LHPP: variants seen among roughly 807,000 people sequenced by gnomAD.
LHPP encodes the protein hLHPP.
In LHPP, 24 loss-of-function variants were observed where a neutral mutation model predicts 30.3. The ratio of observed to expected loss-of-function variants is 0.79; its 90% CI spans 0.57 to 1.11. The LOEUF (loss-of-function observed/expected upper bound fraction) is 1.11. Among genes scored for constraint, LHPP ranks in the 50% most tolerant of loss-of-function variants. LHPP has a pLI of 0.00. For missense variants in LHPP, 356 were observed against 367.2 expected, an observed-to-expected ratio of 0.97 and a Z score of 0.25; for synonymous variants, 150 against 157.1, an observed-to-expected ratio of 0.95 and a Z score of 0.34.
intron 6 of LHPP, among the ~76,000 whole-genome samples, chr10:124,534,961 A>G (rs183562012): frequency 5.1e-4 from 77 of 152,288 alleles, no homozygotes; most frequent in African/African-American, 1.7e-3. Flanking sequence ...CATGGGAAAC[A>G]TTCCTTCCTG....
chr10:124,583,551 C>T (rs184976278), intron 6 of LHPP, among the ~76,000 whole-genome samples: 2 of 152,288 alleles, frequency 1.3e-5, no homozygotes. Flanking sequence ...GTAGGTTGCA[C>T]AGAAAGTAAA....
At chr10:124,606,615 A>G (rs533359761) in intron 6 of LHPP, among the ~76,000 whole-genome samples, 1 of 152,344 alleles carries the variant, frequency 6.6e-6, no homozygotes, top group South Asian at 2.1e-4. Flanking sequence ...GCCCTATGCT[A>G]CCTTACAGAT....
chr10:124,578,481 G>A (rs1948698194), intron 6 of LHPP, among the ~76,000 whole-genome samples: 1 of 152,252 alleles, frequency 6.6e-6, no homozygotes, highest in Admixed American at 6.5e-5. Flanking sequence ...CTGAGGTGGA[G>A]CGTCTGCTGT....
chr10:124,521,156 T>C (rs2133916476), intron 6 of LHPP, among the ~76,000 whole-genome samples: 1 of 151,018 alleles, frequency 6.6e-6, no homozygotes, highest in Middle Eastern at 3.5e-3. Context: ...GGGGCCTCGC[T>C]CTCTGGAGGG....
At chr10:124,539,796 G>A (rs1458950732) in intron 6 of LHPP, among the ~76,000 whole-genome samples, 1 of 150,152 alleles carries the variant, frequency 6.7e-6, no homozygotes, top group African/African-American at 2.5e-5. Context: ...CAGCTACTCA[G>A]GAGGCTGAGG....
rs1231205319 is a variant in LHPP, at chr10:124,576,118, GT to G, written c.717-37144del. ...TCAGACCTGGTTTCTTAACCACTGTGTTCACTGAACACCCCGGGCTTGATCA... is the reference window on the plus strand; with the variant it reads ...TCAGACCTGGTTTCTTAACCACTGTGTCACTGAACACCCCGGGCTTGATCA... On this transcript the variant is annotated intron_variant, in intron 6 of 6. Coordinates refer to ENST00000368842, the MANE Select transcript of LHPP (RefSeq NM_022126.4). This position sits in a 1 kb window ranked among gnomAD's most constrained non-coding sequence, Gnocchi z 4.2. Among the ~76,000 whole-genome samples, 5 of 152,166 alleles carry G rather than the reference GT, an allele frequency of 3.3e-5. No homozygotes were observed. The highest frequency in any genetic ancestry group is 4.4e-5 in the Non-Finnish European group (3 of 68,022).
rs1207690595 is a variant in LHPP at position 124,523,522 on chromosome 10, C to T, written c.716+6251C>T. 2.0e-5 allele frequency among the ~76,000 whole-genome samples: 3 copies of T among 152,316 alleles called. No homozygotes were observed. The highest frequency in any genetic ancestry group is 2.1e-4 in the South Asian group (1 of 4,826). On this transcript the variant is annotated intron_variant, in intron 6 of 6. Coordinates refer to ENST00000368842, the MANE Select transcript of LHPP (RefSeq NM_022126.4). This position sits in a 1 kb window ranked among gnomAD's most constrained non-coding sequence, Gnocchi z 4.2. ...ACGGATTTCAGAGTGTTTCCTGTTA[C>T]GAGAAGGCTGTGGATTCGCTTTGGA...
chr10:124,487,322 C>T (rs1432400815), intron 2 of LHPP, among the ~76,000 whole-genome samples: 4 of 152,202 alleles, frequency 2.6e-5, no homozygotes, highest in Non-Finnish European at 4.4e-5. Flanking sequence ...TTTACACGTC[C>T]TCCATCTGCT....
intron 1 of LHPP, among the ~76,000 whole-genome samples, chr10:124,482,021 C>T (rs537285440): frequency 6.6e-6 from 1 of 152,350 alleles, no homozygotes; most frequent in South Asian, 2.1e-4. Flanking sequence ...GTCTCAGGCT[C>T]AAGAGCGGAA....
chr10:124,515,235 A>G (rs1189729760), intron 5 of LHPP, among the ~76,000 whole-genome samples: 2 of 152,208 alleles, frequency 1.3e-5, no homozygotes, highest in Non-Finnish European at 2.9e-5. Context: ...TTCTATTGCC[A>G]TGTCTCCAGG....
intron 5 of LHPP, among the ~76,000 whole-genome samples, chr10:124,515,706 G>A (rs1233773265): frequency 6.6e-6 from 1 of 152,190 alleles, no homozygotes; most frequent in African/African-American, 2.4e-5. Context: ...GGTTGCCCTG[G>A]GTGAATCATT....
chr10:124,534,254 T>A (rs1317077560), intron 6 of LHPP, among the ~76,000 whole-genome samples: 2 of 152,378 alleles, frequency 1.3e-5, no homozygotes, highest in African/African-American at 4.8e-5. Flanking sequence ...TGGCCGTCTT[T>A]CCTCCGGTGC....
At chr10:124,469,557 T>A (rs1470589370) in intron 1 of LHPP, among the ~76,000 whole-genome samples, 2 of 152,012 alleles carry the variant, frequency 1.3e-5, no homozygotes, top group African/African-American at 2.4e-5. Context: ...ATCGGAGAGA[T>A]TCAGGAACTG....
Position 124,613,716 on chromosome 10 carries a change from C to A in LHPP, c.*356C>A. On this transcript the variant is annotated 3_prime_UTR_variant, in exon 7 of 7. Transcript: ENST00000368842. ...CCAGAACTCACCACTCACCATGGGC[C>A]TTTAAATGCAGTAAACTCCACCTAA... The A allele has an allele frequency of 2.9e-6, 1 of 341,584 alleles. No individual in the cohort carries two copies. The highest frequency in any genetic ancestry group is 5.5e-6 in the Non-Finnish European group (1 of 181,536). 21.2% of individuals were successfully genotyped at this position (341,584 alleles called of 1,614,324 possible).
Position 124,478,404 on chromosome 10 carries a change from C to T in LHPP, c.126-5735C>T, listed in dbSNP as rs774996827. Among the ~76,000 whole-genome samples the T allele has an allele frequency of 6.6e-6, 1 of 152,134 alleles. No individual in the cohort carries two copies. Among genetic ancestry groups the T allele is most frequent in the Non-Finnish European group, 1.5e-5 (1 of 67,994 alleles). On this transcript the variant is annotated intron_variant, in intron 1 of 6. Coordinates refer to ENST00000368842, the MANE Select transcript of LHPP (RefSeq NM_022126.4). The surrounding 1 kb of genome is among the most constrained non-coding windows in gnomAD (Gnocchi z 4.7). The stretch of plus-strand genomic sequence containing the variant: ...GCCCAGCTGGGAGGGGCTCATGCTG[C>T]CCTTTTCCTGAGGCCCCCTGCTGCC...
At chr10:124,484,698 A>AAATGAG (rs879399848) in intron 2 of LHPP, among the ~76,000 whole-genome samples, 3 of 142,300 alleles carry the variant, frequency 2.1e-5, no homozygotes, top group Non-Finnish European at 4.4e-5. Flanking sequence ...GAGAGAGAGA[A>AAATGAG]AATGAGAATG....
At chr10:124,522,087 T>G (rs1831076245) in intron 6 of LHPP, among the ~76,000 whole-genome samples, 1 of 152,048 alleles carries the variant, frequency 6.6e-6, no homozygotes, top group South Asian at 2.1e-4. Flanking sequence ...GAGGGAAAGT[T>G]TTGCAGGGCC....
At chr10:124,492,331 T>C (rs1184567125) in intron 3 of LHPP, among the ~76,000 whole-genome samples, 1 of 152,260 alleles carries the variant, frequency 6.6e-6, no homozygotes, top group Non-Finnish European at 1.5e-5. Context: ...GTGTCCTGTA[T>C]GTAGTCAGGG....
chr10:124,599,386 A>C (rs1209414341), intron 6 of LHPP, among the ~76,000 whole-genome samples: 1 of 152,120 alleles, frequency 6.6e-6, no homozygotes, highest in Non-Finnish European at 1.5e-5. Flanking sequence ...TTTCAGCTGC[A>C]CTTTCAGGAT....
Sources: gnomAD v4.1 joint callset for allele counts (sites outside exome capture counted in the v4.1 genomes callset) on GRCh38, gnomAD v4.1.1 for gene constraint, Gnocchi (gnomAD v3.1) non-coding constraint, MANE v1.5 for transcripts, NCBI Gene and HGNC (gene_info 2026-07-23, HGNC 2026-07-21) for gene names.